Variants in SPATA13 observed in about 807,000 individuals in gnomAD.
SPATA13 encodes spermatogenesis associated 13, also known as spermatogenesis-associated protein 13.
SPATA13 carries 50 observed loss-of-function variants against 104.0 expected under a neutral mutation model. That is an observed-to-expected ratio of 0.48 (90% CI 0.38 to 0.61). The LOEUF (loss-of-function observed/expected upper bound fraction) is 0.61. Among genes scored for constraint, SPATA13 ranks in the 20% least tolerant of loss-of-function variants. SPATA13 has a pLI of 0.00. For missense variants in SPATA13, 1,524 were observed against 1,690.6 expected (o/e 0.90, Z 1.73); for synonymous variants, 606 against 667.5 (o/e 0.91, Z 1.42).
At position 24,122,427 on chromosome 13, in the gene SPATA13, T is replaced by G. The variant is rs113679988; in HGVS notation, c.-111-100392T>G. ...GAGCAGTCTCTTCCGCATCATCTTC[T>G]TACCAGTCTTCATCGTCTCCATCTT... On this transcript the variant is annotated intron_variant, in intron 3 of 14. Coordinates refer to the SPATA13 transcript ENST00000424834. The G allele has an allele frequency of 2.3e-5, 37 of 1,594,410 alleles. No homozygotes were observed. The African/African-American group carries it at 2.4e-4, about 10-fold the overall frequency.
chr13:24,003,609 GTATTA>G (rs1876083335), intron 2 of SPATA13, among the ~76,000 whole-genome samples: 4 of 152,260 alleles, frequency 2.6e-5, no homozygotes, highest in East Asian at 1.9e-4. Flanking sequence ...AGTTCTTTTC[GTATTA>G]TATTAGTAGT....
At position 24,286,130 on chromosome 13, in the gene SPATA13, C is replaced by T. The variant is rs542098425; in HGVS notation, c.2302-84C>T. 10 of 1,345,402 alleles carry T rather than the reference C, an allele frequency of 7.4e-6. No individual in the cohort carries two copies. The East Asian group carries it at 1.9e-4, about 25-fold the overall frequency. The allele number at this position is 1,345,402 out of a possible 1,614,324, so 83.3% of individuals were successfully genotyped here. A position where few individuals can be genotyped will look rare whatever the true frequency, so the allele number is the denominator to read the frequency against. On this transcript the variant is annotated intron_variant, in intron 5 of 12. Coordinates refer to ENST00000382108, the MANE Select transcript of SPATA13 (RefSeq NM_001166271.3). This position sits in a 1 kb window ranked among gnomAD's most constrained non-coding sequence, Gnocchi z 4.9. Reference sequence around the variant, plus strand: ...TCCAAGTGAGAGGATACCAGTGTCACCCTGAGAGAGTGCACCTAGTGGCTC... The same window carrying T: ...TCCAAGTGAGAGGATACCAGTGTCATCCTGAGAGAGTGCACCTAGTGGCTC...
intron 1 of SPATA13, among the ~76,000 whole-genome samples, chr13:24,208,549 G>A (rs764134609): frequency 4.9e-5 from 7 of 143,720 alleles, no homozygotes; most frequent in Non-Finnish European, 1.1e-4. Flanking sequence ...CAGTGGATCG[G>A]TTAGTCATGC....
intron 1 of SPATA13, among the ~76,000 whole-genome samples, chr13:24,186,691 C>CATTA (rs1287729270): frequency 1.3e-5 from 2 of 152,116 alleles, no homozygotes; most frequent in African/African-American, 4.8e-5. Context: ...GTTACGGGAA[C>CATTA]ATTAATTTTC....
chr13:24,041,433 AG>A (rs1465313073), intron 3 of SPATA13, among the ~76,000 whole-genome samples: 6 of 152,260 alleles, frequency 3.9e-5, no homozygotes, highest in Non-Finnish European at 7.3e-5. Flanking sequence ...ACTCAGAATC[AG>A]AATCTCACAT....
chr13:24,097,769 T>C (rs1027789625), intron 3 of SPATA13, among the ~76,000 whole-genome samples: 2 of 152,174 alleles, frequency 1.3e-5, no homozygotes, highest in Non-Finnish European at 2.9e-5. Flanking sequence ...GCCAAAGGTA[T>C]GCACCGGAAA....
At chr13:24,257,931 AGTG>A (rs1363234376) in intron 4 of SPATA13, among the ~76,000 whole-genome samples, 5 of 152,182 alleles carry the variant, frequency 3.3e-5, no homozygotes, top group African/African-American at 1.2e-4. Flanking sequence ...CTGGCCAGTG[AGTG>A]GTGAAGAGAG....
intron 9 of SPATA13, among the ~76,000 whole-genome samples, chr13:24,291,305 G>C (rs1876332491): frequency 6.6e-6 from 1 of 152,160 alleles, no homozygotes; most frequent in Admixed American, 6.5e-5. Flanking sequence ...CAGCAGCTCG[G>C]CTCAGAGCAG....
intron 3 of SPATA13, among the ~76,000 whole-genome samples, chr13:24,037,840 G>A (rs1462315203): frequency 6.6e-6 from 1 of 152,128 alleles, no homozygotes; most frequent in African/African-American, 2.4e-5. Context: ...AATTGTGGAT[G>A]TCTGTGTATA....
intron 4 of SPATA13, chr13:24,271,009 C>A: frequency 1.2e-6 from 1 of 813,716 alleles, no homozygotes; most frequent in South Asian, 1.4e-5. Flanking sequence ...CTCTCTCTCT[C>A]CACTCTCTCT....
intron 3 of SPATA13, among the ~76,000 whole-genome samples, chr13:24,079,810 C>T (rs1465295590): frequency 6.6e-6 from 1 of 152,162 alleles, no homozygotes; most frequent in African/African-American, 2.4e-5. Context: ...TTTCTGATTA[C>T]ATCTCCCCAT....
At chr13:24,016,777 G>A (rs909808642) in intron 2 of SPATA13, among the ~76,000 whole-genome samples, 1 of 152,258 alleles carries the variant, frequency 6.6e-6, no homozygotes, top group Admixed American at 6.5e-5. Flanking sequence ...CCCCAGTTCA[G>A]CACTAGGGTG....
At chr13:24,118,639 TC>T (rs1880929814) in intron 3 of SPATA13, among the ~76,000 whole-genome samples, 1 of 152,078 alleles carries the variant, frequency 6.6e-6, no homozygotes, top group South Asian at 2.1e-4. Flanking sequence ...TTCACCAAGT[TC>T]CTGGTGATGC....
intron 3 of SPATA13, among the ~76,000 whole-genome samples, chr13:24,046,594 C>A (rs1051843430): frequency 6.8e-6 from 1 of 147,354 alleles, no homozygotes; most frequent in Non-Finnish European, 1.5e-5. Context: ...TTGCAAGATT[C>A]ATCCATGATG....
At chr13:24,111,554 C>G (rs1002793362) in intron 3 of SPATA13, among the ~76,000 whole-genome samples, 1 of 152,108 alleles carries the variant, frequency 6.6e-6, no homozygotes, top group Admixed American at 6.5e-5. Context: ...ACCACAGGTA[C>G]ACACCACCAC....
intron 2 of SPATA13, among the ~76,000 whole-genome samples, chr13:24,000,282 G>A (rs1875894052): frequency 6.7e-6 from 1 of 149,658 alleles, no homozygotes; most frequent in Admixed American, 6.6e-5. Flanking sequence ...GGGCAGCTGA[G>A]GCATGAGTAA....
At chr13:24,105,741 T>C (rs986318143) in intron 3 of SPATA13, among the ~76,000 whole-genome samples, 4 of 152,168 alleles carry the variant, frequency 2.6e-5, no homozygotes, top group African/African-American at 9.7e-5. Flanking sequence ...TACCTCCACA[T>C]GTGACTGTAT....
At chr13:24,041,937 G>A (rs1289982921) in intron 3 of SPATA13, among the ~76,000 whole-genome samples, 1 of 152,248 alleles carries the variant, frequency 6.6e-6, no homozygotes, top group African/African-American at 2.4e-5. Context: ...CTGACACACA[G>A]TCCTCGCCTT....
At chr13:24,261,184 C>T (rs928026968) in intron 4 of SPATA13, among the ~76,000 whole-genome samples, 1 of 152,136 alleles carries the variant, frequency 6.6e-6, no homozygotes, top group Admixed American at 6.5e-5. Context: ...CTGGAGACCT[C>T]GGGAGTCTGT....
Sources: allele counts gnomAD v4.1 joint callset (sites outside exome capture counted in the v4.1 genomes callset), GRCh38; gene constraint gnomAD v4.1.1; non-coding constraint Gnocchi (gnomAD v3.1); transcripts MANE v1.5; gene names NCBI Gene and HGNC (gene_info 2026-07-23, HGNC 2026-07-21).